Variants in RNF111 observed in about 807,000 individuals in gnomAD.
RNF111 encodes ring finger protein 111.
Under a neutral mutation model 95.1 loss-of-function variants are expected in RNF111, and 17 were observed. The ratio of observed to expected loss-of-function variants is 0.18; its 90% confidence interval spans 0.12 to 0.27. RNF111 has a LOEUF of 0.27. Among genes scored for constraint, RNF111 ranks in the 10% least tolerant of loss-of-function variants. The pLI, the probability that RNF111 is intolerant of heterozygous loss-of-function variation, is 1.00. For synonymous variants in RNF111, 440 were observed against 414.8 expected, an observed-to-expected ratio of 1.06 and a Z score of -0.74; for missense variants, 1,189 against 1,210.4, an observed-to-expected ratio of 0.98 and a Z score of 0.26.
At chr15:59,021,872 T>A (rs2040362176) in intron 1 of RNF111, among the ~76,000 whole-genome samples, 1 of 152,052 alleles carries the variant, frequency 6.6e-6, no homozygotes, top group African/African-American at 2.4e-5. Context: ...TCTTATAAAT[T>A]TTTTTTTGAG....
chr15:59,089,772 A>C lies in RNF111; in HGVS notation c.2643+13A>C. On this transcript the variant is annotated intron_variant, in intron 11 of 13. Transcript: ENST00000348370. ...GGGCAATTTTGAGGTATGTAATAAA[A>C]TAAATGAATATGTTTGTCACAGTAT... 1 of 1,529,860 alleles carries C rather than the reference A, an allele frequency of 6.5e-7. No individual in the cohort carries two copies. The highest frequency in any genetic ancestry group is 9.1e-7 in the Non-Finnish European group (1 of 1,103,670). The allele number at this position is 1,529,860 out of a possible 1,614,324, so 94.8% of individuals were successfully genotyped here.
chr15:59,092,605 CTG>C lies in RNF111; in HGVS notation c.2810_2811del (p.Cys937PhefsTer8). On this transcript the variant is annotated frameshift_variant, in exon 13 of 14. Transcript: ENST00000348370. LOFTEE classifies it high-confidence loss of function. Reference protein sequence around the residue: ...EEDTEEKCTICLSILEEGEDV... With the variant: ...EEDTEEKCTIXLSILEEGEDV... ...AAGACACAGAGGAAAAATGTACTAT[CTG>C]TTTGTCTATTTTAGAGGAAGGTGAA... The C allele has an allele frequency of 6.2e-7, 1 of 1,612,348 alleles. No homozygotes were observed. Among genetic ancestry groups the C allele is most frequent in the Non-Finnish European group, 8.5e-7 (1 of 1,178,854 alleles).
intron 10 of RNF111, among the ~76,000 whole-genome samples, chr15:59,088,629 C>T (rs2078963733): frequency 1.3e-5 from 2 of 152,146 alleles, no homozygotes; most frequent in Admixed American, 6.6e-5. Context: ...AATGCCCTTT[C>T]CTAATACTCT....
intron 1 of RNF111, among the ~76,000 whole-genome samples, chr15:59,022,057 A>G (rs1401042369): frequency 6.6e-6 from 1 of 151,876 alleles, no homozygotes; most frequent in Non-Finnish European, 1.5e-5. Context: ...ACGGGGTATC[A>G]CCATGTTGGC....
intron 2 of RNF111, among the ~76,000 whole-genome samples, chr15:59,043,118 T>A: frequency 6.6e-6 from 1 of 152,154 alleles, no homozygotes; most frequent in Non-Finnish European, 1.5e-5. Context: ...TCATTTTAAC[T>A]ATTATAAAAT....
intron 2 of RNF111, among the ~76,000 whole-genome samples, chr15:59,045,464 C>G (rs561006705): frequency 2.0e-5 from 3 of 152,246 alleles, no homozygotes; most frequent in Admixed American, 1.3e-4. Context: ...GCTGGGATTA[C>G]AGGCGTGAGA....
chr15:59,023,171 C>A (rs1483681513), intron 1 of RNF111, among the ~76,000 whole-genome samples: 1 of 152,104 alleles, frequency 6.6e-6, no homozygotes, highest in Non-Finnish European at 1.5e-5. Flanking sequence ...TCGGTTGAAT[C>A]CGGGAGGCGT....
intron 1 of RNF111, among the ~76,000 whole-genome samples, chr15:59,012,761 CAG>C (rs1265285781): frequency 1.5e-4 from 21 of 142,756 alleles, no homozygotes; most frequent in African/African-American, 4.9e-4. Flanking sequence ...TTTTTTGAGA[CAG>C]AGTCTTGCTT....
chr15:59,015,900 G>A (rs2040042322), intron 1 of RNF111, among the ~76,000 whole-genome samples: 1 of 151,996 alleles, frequency 6.6e-6, no homozygotes, highest in African/African-American at 2.4e-5. Flanking sequence ...CGCCCAGGTT[G>A]GAGTGCAGTG....
intron 5 of RNF111, among the ~76,000 whole-genome samples, chr15:59,065,344 T>C (rs1397793458): frequency 6.6e-6 from 1 of 152,230 alleles, no homozygotes; most frequent in Non-Finnish European, 1.5e-5. Flanking sequence ...GGACAGACTT[T>C]CAGAGGATAC....
chr15:59,085,813 A>C (rs2078881150), intron 10 of RNF111, 28 bp downstream of exon 10: 2 of 1,601,444 alleles, frequency 1.2e-6, no homozygotes, highest in Non-Finnish European at 1.7e-6. Context: ...CAAAATTTTG[A>C]CATGTTCTAA....
At chr15:59,026,723 G>GA (rs397710433) in intron 1 of RNF111, among the ~76,000 whole-genome samples, 50,178 of 150,936 alleles carry the variant, frequency 0.33, 8,448 homozygotes, top group Admixed American at 0.42. Context: ...ATGGATTTTA[G>GA]AAAAAAAAAT....
chr15:59,069,909 A>G (rs1384694899), intron 6 of RNF111, among the ~76,000 whole-genome samples: 2 of 151,696 alleles, frequency 1.3e-5, no homozygotes, highest in South Asian at 4.2e-4. Context: ...AGACTGGCAT[A>G]CCGAGAAGAT....
chr15:59,085,453 T>G, intron 9 of RNF111: 1 of 310,310 alleles, frequency 3.2e-6, no homozygotes, highest in Non-Finnish European at 5.8e-6. Context: ...TTGCTCCTCA[T>G]TGTCACAAAA....
chr15:59,058,861 T>G (rs370032867), intron 5 of RNF111, among the ~76,000 whole-genome samples: 1 of 152,174 alleles, frequency 6.6e-6, no homozygotes, highest in Non-Finnish European at 1.5e-5. Context: ...TTTAGAACTT[T>G]CGTGCATTAA....
rs140640294 is a variant in RNF111 at position 59,037,304 on chromosome 15, C to A, written c.880+5602C>A. On this transcript the variant is annotated intron_variant, in intron 2 of 13. Coordinates refer to ENST00000348370, the MANE Select transcript of RNF111 (RefSeq NM_017610.8). ...TTAAACATTTAGTTTTTCCCAGTTG[C>A]CAGTGAGGCTGATAATTTATACATT... Among the ~76,000 whole-genome samples, 378 of 152,218 alleles carry A rather than the reference C, an allele frequency of 2.5e-3. 1 individual carries two copies. Among genetic ancestry groups the A allele is most frequent in the Non-Finnish European group, 4.3e-3 (291 of 68,014 alleles).
chr15:59,058,608 A>G (rs2042300962), intron 5 of RNF111, 58 bp downstream of exon 5: 2 of 1,464,574 alleles, frequency 1.4e-6, no homozygotes, highest in African/African-American at 1.4e-5. Context: ...TAGGAAAAGT[A>G]TTATTGTTTT....
At chr15:59,091,415 G>A (rs2079049004) in intron 12 of RNF111, among the ~76,000 whole-genome samples, 1 of 151,818 alleles carries the variant, frequency 6.6e-6, no homozygotes. Context: ...TTCTAATAAT[G>A]TGCATATGTA....
chr15:59,029,657 G>A (rs565632190), intron 1 of RNF111, among the ~76,000 whole-genome samples: 3 of 152,134 alleles, frequency 2.0e-5, no homozygotes, highest in Non-Finnish European at 2.9e-5. Context: ...TGTTGTACTC[G>A]CTTTTTAGGA....
Sources: allele counts gnomAD v4.1 joint callset (sites outside exome capture counted in the v4.1 genomes callset), GRCh38; gene constraint gnomAD v4.1.1; transcripts MANE v1.5; gene names NCBI Gene and HGNC (gene_info 2026-07-23, HGNC 2026-07-21).